Variants in FRMD4B observed in about 807,000 individuals in gnomAD.
The protein encoded by FRMD4B is FERM domain containing 4B.
Under a neutral mutation model 141.5 loss-of-function variants are expected in FRMD4B, and 74 were observed. The observed-to-expected ratio is 0.52, with a 90% CI of 0.43 to 0.63. The LOEUF is 0.63. Ranked by LOEUF, FRMD4B falls within the 30% of genes least tolerant of loss-of-function variation. FRMD4B has a pLI of 0.00. For missense variants in FRMD4B, 1,366 were observed against 1,253.4 expected, an observed-to-expected ratio of 1.09 and a Z score of -1.36; for synonymous variants, 506 against 467.9, an observed-to-expected ratio of 1.08 and a Z score of -1.05.
At chr3:69,353,628 G>GGTGT in intron 1 of FRMD4B, 1 of 949,192 alleles carries the variant, frequency 1.1e-6, no homozygotes, top group Non-Finnish European at 1.3e-6. Flanking sequence ...GCACTTGTGC[G>GGTGT]GTGTGTGTGT....
At chr3:69,174,411 T>C (rs2092621824) in intron 22 of FRMD4B, among the ~76,000 whole-genome samples, 1 of 152,238 alleles carries the variant, frequency 6.6e-6, no homozygotes, top group South Asian at 2.1e-4. Context: ...AATATCATTA[T>C]AACCATGTTA....
intron 1 of FRMD4B, among the ~76,000 whole-genome samples, chr3:69,377,936 G>A (rs948309349): frequency 1.6e-4 from 24 of 150,520 alleles, no homozygotes; most frequent in African/African-American, 3.9e-4. Flanking sequence ...TCAGCCTCCC[G>A]AGTAGCTGGG....
intron 12 of FRMD4B, 122 bp downstream of exon 12, chr3:69,198,576 C>G: frequency 1.6e-6 from 1 of 640,408 alleles, no homozygotes; most frequent in Admixed American, 2.7e-5. Flanking sequence ...CAATTCCATT[C>G]CTAGGTATAC....
At chr3:69,315,289 T>A (rs939084715) in intron 1 of FRMD4B, among the ~76,000 whole-genome samples, 2 of 152,210 alleles carry the variant, frequency 1.3e-5, no homozygotes, top group South Asian at 4.1e-4. Flanking sequence ...CCAAACCATT[T>A]TATCTGCAGA....
chr3:69,256,720 A>G lies in FRMD4B; in HGVS notation c.502-6621T>C, dbSNP rs1399295956. On this transcript the variant is annotated intron_variant, in intron 5 of 22. Coordinates refer to ENST00000398540, the MANE Select transcript of FRMD4B (RefSeq NM_015123.3). ...AAGGCAATTATTCCTAAGCCATAGA[A>G]ACATATTCCTCTGTGCTGATGCCTA... is the stretch of plus-strand genomic sequence containing the variant. 2.0e-5 allele frequency among the ~76,000 whole-genome samples: 3 copies of G among 152,228 alleles called. No homozygotes were observed. The East Asian group carries it at 5.8e-4, about 29-fold the overall frequency.
chr3:69,529,767 T>C (rs1700985996), intron 1 of FRMD4B, among the ~76,000 whole-genome samples: 1 of 152,242 alleles, frequency 6.6e-6, no homozygotes. Flanking sequence ...ATTACTTTCA[T>C]TCTCAAAGCA....
intron 1 of FRMD4B, among the ~76,000 whole-genome samples, chr3:69,339,581 C>CA (rs1240176427): frequency 6.6e-6 from 1 of 151,948 alleles, no homozygotes; most frequent in Middle Eastern, 3.2e-3. Flanking sequence ...GATGCAGCTA[C>CA]ATGAACCATT....
intron 1 of FRMD4B, among the ~76,000 whole-genome samples, chr3:69,377,976 A>AC (rs1704017767): frequency 2.6e-5 from 1 of 38,188 alleles, no homozygotes; most frequent in Non-Finnish European, 5.2e-5. Flanking sequence ...ACACTTGGCT[A>AC]ATTTTTTTTT....
intron 1 of FRMD4B, among the ~76,000 whole-genome samples, chr3:69,359,760 T>G (rs1294974289): frequency 1.3e-5 from 2 of 152,206 alleles, no homozygotes; most frequent in African/African-American, 4.8e-5. Flanking sequence ...TTGACTTGGT[T>G]TTACCATAAG....
At chr3:69,391,005 A>G (rs1406666220), upstream of FRMD4B, among the ~76,000 whole-genome samples, 1 of 152,186 alleles carries the variant, frequency 6.6e-6, no homozygotes, top group Non-Finnish European at 1.5e-5. Context: ...AAAAGGCAAA[A>G]GAAATGAAGC....
intron 1 of FRMD4B, among the ~76,000 whole-genome samples, chr3:69,383,485 C>T (rs1288620286): frequency 3.3e-5 from 5 of 152,080 alleles, no homozygotes; most frequent in African/African-American, 7.2e-5. Flanking sequence ...GTACATAGTT[C>T]GGGGGTACAT....
At chr3:69,246,709 G>A (rs187261029) in intron 7 of FRMD4B, among the ~76,000 whole-genome samples, 182 of 152,302 alleles carry the variant, frequency 1.2e-3, no homozygotes, top group African/African-American at 4.0e-3. Flanking sequence ...GCCAGTCTGC[G>A]TGATTTCCAG....
At chr3:69,496,002 C>A (rs982201779) in intron 1 of FRMD4B, among the ~76,000 whole-genome samples, 2 of 152,140 alleles carry the variant, frequency 1.3e-5, no homozygotes, top group African/African-American at 4.8e-5. Context: ...CTTTTTGGGT[C>A]TGACCTGAAT....
chr3:69,229,512 A>G (rs1326262422), intron 7 of FRMD4B, among the ~76,000 whole-genome samples: 2 of 152,178 alleles, frequency 1.3e-5, no homozygotes, highest in Non-Finnish European at 2.9e-5. Context: ...CGATATTTGA[A>G]GTGGTTGAGC....
intron 21 of FRMD4B, among the ~76,000 whole-genome samples, 153 bp downstream of exon 21, chr3:69,180,746 T>C (rs538882684): frequency 1.3e-3 from 205 of 152,322 alleles, no homozygotes; most frequent in Non-Finnish European, 2.5e-3. Context: ...GAACTGTTTT[T>C]AAGTTGGAAA....
chr3:69,345,590 G>A (rs190421476), intron 1 of FRMD4B, among the ~76,000 whole-genome samples: 4 of 152,328 alleles, frequency 2.6e-5, no homozygotes, highest in Admixed American at 6.5e-5. Flanking sequence ...CCCCTCAGTA[G>A]GATCAGACTG....
At chr3:69,346,698 T>C (rs983808468) in intron 1 of FRMD4B, among the ~76,000 whole-genome samples, 2 of 152,158 alleles carry the variant, frequency 1.3e-5, no homozygotes, top group Non-Finnish European at 2.9e-5. Context: ...AAGAAAAGAA[T>C]TTCCAACCCA....
In FRMD4B at chr3:69,317,814, G is replaced by A. The variant is rs191995212; in HGVS notation, c.163-4297C>T. Among the ~76,000 whole-genome samples, 39 of 146,706 alleles carry A rather than the reference G, an allele frequency of 2.7e-4. 2 individuals are homozygous for A. In the East Asian group the frequency reaches 6.5e-3, roughly 25 times the overall value. On this transcript the variant is annotated intron_variant, in intron 1 of 22. Transcript: ENST00000398540. ...GAAATCATGCGGCCTAAGAAGACAA[G>A]CTTAACAGATTTGTTGTCAGGGTTC... is the stretch of plus-strand genomic sequence containing the variant.
At chr3:69,358,909 G>A (rs1164209318) in intron 1 of FRMD4B, among the ~76,000 whole-genome samples, 1 of 152,166 alleles carries the variant, frequency 6.6e-6, no homozygotes, top group African/African-American at 2.4e-5. Context: ...GCACCCTTCT[G>A]CCTTCAGCCA....
Sources: gnomAD v4.1 joint callset for allele counts (sites outside exome capture counted in the v4.1 genomes callset) on GRCh38, gnomAD v4.1.1 for gene constraint, MANE v1.5 for transcripts, NCBI Gene and HGNC (gene_info 2026-07-23, HGNC 2026-07-21) for gene names.